The following HERC3 variants were observed in gnomAD, a reference collection of about 807,000 sequenced individuals.
HERC3 encodes the protein probable E3 ubiquitin-protein ligase HERC3.
Under a neutral mutation model 129.9 loss-of-function variants are expected in HERC3, and 58 were observed. The observed-to-expected ratio is 0.45, with a 90% CI of 0.36 to 0.56. HERC3 has a LOEUF of 0.56. Among genes scored for constraint, HERC3 ranks in the 20% least tolerant of loss-of-function variants. The probability of loss-of-function intolerance (pLI) is 0.00; values close to 1 mark genes in which losing one functional copy is unlikely to be tolerated. For synonymous variants in HERC3, 430 were observed against 451.0 expected (o/e 0.95, Z 0.59); for missense variants, 835 against 1,244.2 (o/e 0.67, Z 4.95).
chr4:88,662,234 A>G (rs1730566352), intron 10 of HERC3, among the ~76,000 whole-genome samples, 197 bp from the exon 11 acceptor site: 1 of 152,160 alleles, frequency 6.6e-6, no homozygotes. Context: ...GCAACAGTCA[A>G]TGCCAAGTCC....
the HERC3 span, among the ~76,000 whole-genome samples, chr4:88,534,369 G>A: frequency 1.6e-4 from 25 of 152,306 alleles, no homozygotes; most frequent in African/African-American, 4.8e-4. Flanking sequence ...AGCCCCTCAC[G>A]ACAAAGAATT....
At chr4:88,650,409 C>A (rs1729146289) in intron 4 of HERC3, among the ~76,000 whole-genome samples, 1 of 152,206 alleles carries the variant, frequency 6.6e-6, no homozygotes, top group African/African-American at 2.4e-5. Flanking sequence ...TCACTTTAAG[C>A]ATTACAAACA....
chr4:88,688,411 A>G (rs1308053343), intron 23 of HERC3, among the ~76,000 whole-genome samples: 2 of 152,178 alleles, frequency 1.3e-5, no homozygotes, highest in African/African-American at 4.8e-5. Context: ...AGGGATACCC[A>G]TTAGGAGGCT....
rs1391156602 is a variant in HERC3 at position 88,626,674 on chromosome 4, T to G, written c.226+20625T>G. Reference sequence around the variant, plus strand: ...TCTTAGTTCATGTCTTTTGAGGAATTTGTCCACTTCATCTAAGTTGTCAAA... The same window carrying G: ...TCTTAGTTCATGTCTTTTGAGGAATGTGTCCACTTCATCTAAGTTGTCAAA... On this transcript the variant is annotated intron_variant, in intron 3 of 25. Coordinates refer to ENST00000402738, the MANE Select transcript of HERC3 (RefSeq NM_014606.3). 2.0e-5 allele frequency among the ~76,000 whole-genome samples: 3 copies of G among 152,158 alleles called. No homozygotes were observed. The East Asian group carries it at 5.8e-4, about 29-fold the overall frequency.
intron 16 of HERC3, among the ~76,000 whole-genome samples, chr4:88,674,557 G>A (rs1050712333): frequency 1.3e-5 from 2 of 152,188 alleles, no homozygotes; most frequent in African/African-American, 4.8e-5. Context: ...CTGAGAGACA[G>A]ATTAGGAAAT....
chr4:88,669,142 A>ATGC (rs1731349696), intron 14 of HERC3, among the ~76,000 whole-genome samples: 1 of 152,198 alleles, frequency 6.6e-6, no homozygotes. Flanking sequence ...AGTAGAGAGT[A>ATGC]TGCTACAGGT....
intron 20 of HERC3, 102 bp downstream of exon 20, chr4:88,680,338 C>A: frequency 1.3e-6 from 1 of 784,874 alleles, no homozygotes; most frequent in Non-Finnish European, 1.9e-6. Flanking sequence ...GGGAACATAA[C>A]AAGGATAATA....
At chr4:88,541,507 C>T in the HERC3 span, among the ~76,000 whole-genome samples, 1 of 152,070 alleles carries the variant, frequency 6.6e-6, no homozygotes, top group African/African-American at 2.4e-5. Context: ...ACTTTAACAC[C>T]CCACTGTCAA....
chr4:88,650,092 A>T (rs960588952), intron 4 of HERC3, 93 bp downstream of exon 4: 16 of 1,309,526 alleles, frequency 1.2e-5, no homozygotes, highest in Admixed American at 2.0e-5. Flanking sequence ...TCTTCATTTA[A>T]TTGCTATTTC....
intron 1 of HERC3, among the ~76,000 whole-genome samples, chr4:88,595,117 A>AT (rs1722209193): frequency 6.6e-6 from 1 of 151,264 alleles, no homozygotes; most frequent in Admixed American, 6.6e-5. Context: ...AAAAAAAAAA[A>AT]AAAAAAGAAA....
At chr4:88,529,443 C>A in the HERC3 span, among the ~76,000 whole-genome samples, 150 of 151,538 alleles carry the variant, frequency 9.9e-4, 4 homozygotes, top group South Asian at 0.016. Flanking sequence ...GGAGACAGAG[C>A]AAGACCCTGT....
chr4:88,680,759 ATAT>A (rs1313455495), intron 20 of HERC3, among the ~76,000 whole-genome samples: 2 of 152,248 alleles, frequency 1.3e-5, no homozygotes, highest in Non-Finnish European at 2.9e-5. Context: ...GGTTATTTAT[ATAT>A]TATTTATTTA....
intron 23 of HERC3, among the ~76,000 whole-genome samples, chr4:88,689,666 C>T (rs1733865358): frequency 6.6e-6 from 1 of 151,816 alleles, no homozygotes; most frequent in South Asian, 2.1e-4. Context: ...CAACCTTCAC[C>T]TCCTGGGTTC....
chr4:88,627,904 C>CAAAAAAA (rs60358778), intron 3 of HERC3, among the ~76,000 whole-genome samples: 2 of 80,932 alleles, frequency 2.5e-5, no homozygotes, highest in African/African-American at 3.8e-5. Context: ...AACTCCGTCT[C>CAAAAAAA]AAAAAAAAAA....
intron 13 of HERC3, 37 bp from the exon 14 acceptor site, chr4:88,667,855 A>G (rs1330189272): frequency 6.3e-6 from 9 of 1,437,276 alleles, no homozygotes; most frequent in Non-Finnish European, 7.8e-6. Context: ...GATCTCAAGT[A>G]TGTTTGAATT....
At chr4:88,602,452 C>G (rs35341690) in intron 2 of HERC3, among the ~76,000 whole-genome samples, 1 of 146,156 alleles carries the variant, frequency 6.8e-6, no homozygotes, top group Non-Finnish European at 1.5e-5. Flanking sequence ...GAAATGTAAT[C>G]TGAATGTCCT....
intron 24 of HERC3, 63 bp from the exon 25 acceptor site, chr4:88,704,445 A>G (rs1578358951): frequency 2.4e-6 from 3 of 1,266,848 alleles, no homozygotes; most frequent in East Asian, 2.3e-5. Context: ...TGCAAATGAT[A>G]TATAATGTCC....
the HERC3 span, among the ~76,000 whole-genome samples, chr4:88,550,059 G>A: frequency 5.9e-4 from 90 of 152,262 alleles, 1 homozygote; most frequent in East Asian, 9.7e-4. Flanking sequence ...AAACTTAGGC[G>A]ACATCTGGGA....
chr4:88,570,789 T>C, the HERC3 span, among the ~76,000 whole-genome samples: 519 of 146,922 alleles, frequency 3.5e-3, 1 homozygote, highest in Middle Eastern at 7.0e-3. Context: ...TTTATTTATT[T>C]TGAGACTGAG....
Sources: gnomAD v4.1 joint callset for allele counts (sites outside exome capture counted in the v4.1 genomes callset) on GRCh38, gnomAD v4.1.1 for gene constraint, MANE v1.5 for transcripts, NCBI Gene and HGNC (gene_info 2026-07-23, HGNC 2026-07-21) for gene names.